MED13: variants seen among roughly 807,000 people sequenced by gnomAD.
The protein encoded by MED13 is mediator complex subunit 13.
A neutral mutation model predicts 225.2 loss-of-function variants in MED13; 23 were observed. The ratio of observed to expected loss-of-function variants is 0.10; its 90% CI spans 0.07 to 0.14. The LOEUF is 0.14. MED13 is among the 10% of genes least tolerant of loss of function. The probability of loss-of-function intolerance (pLI) is 1.00; values close to 1 mark genes in which losing one functional copy is unlikely to be tolerated. For synonymous variants in MED13, 942 were observed against 889.2 expected, an observed-to-expected ratio of 1.06 and a Z score of -1.06; for missense variants, 2,197 against 2,594.5, an observed-to-expected ratio of 0.85 and a Z score of 3.33.
chr17:62,021,628 C>T lies in MED13; in HGVS notation c.1283+7913G>A, dbSNP rs79633599. Among the ~76,000 whole-genome samples, 1,156 of 152,270 alleles carry T rather than the reference C, an allele frequency of 7.6e-3. 5 individuals carry two copies. The highest frequency in any genetic ancestry group is 0.016 in the South Asian group (75 of 4,834). On this transcript the variant is annotated intron_variant, in intron 8 of 29. Transcript: ENST00000397786. ...TATTCAATCTCGCTAATGAAAAATGCGACAAACAATTTTATGCTTCTCACT... is the reference window on the plus strand; with the variant it reads ...TATTCAATCTCGCTAATGAAAAATGTGACAAACAATTTTATGCTTCTCACT...
rs1326664826 is a variant in MED13, at chr17:61,945,299, A to G, written c.*1169T>C. 4 of 152,440 alleles carry G rather than the reference A, an allele frequency of 2.6e-5. No homozygotes were observed. Among genetic ancestry groups the G allele is most frequent in the African/African-American group, 7.2e-5 (3 of 41,428 alleles). 9.4% of individuals were successfully genotyped at this position (152,440 alleles called of 1,614,324 possible). A position where few individuals can be genotyped will look rare whatever the true frequency, so the allele number is the denominator to read the frequency against. On this transcript the variant is annotated 3_prime_UTR_variant, in exon 30 of 30. Coordinates refer to ENST00000397786, the MANE Select transcript of MED13 (RefSeq NM_005121.3). ...TTAATTTAAAAAAAAAAGTCAAACAATCAAGAATGACTGCTTGAAAAATAA... is the reference window on the plus strand; with the variant it reads ...TTAATTTAAAAAAAAAAGTCAAACAGTCAAGAATGACTGCTTGAAAAATAA...
At chr17:61,986,913 A>T in intron 12 of MED13, 94 bp downstream of exon 12, 3 of 759,124 alleles carry the variant, frequency 4.0e-6, no homozygotes, top group African/African-American at 1.8e-5. Flanking sequence ...GGGCTAAAAC[A>T]TAGTATTAAA....
At chr17:62,035,384 TC>T in intron 4 of MED13, 78 bp downstream of exon 4, 2 of 1,218,408 alleles carry the variant, frequency 1.6e-6, no homozygotes, top group Non-Finnish European at 1.1e-6. Context: ...ATTCCATCAA[TC>T]CCCAAATGTA....
intron 3 of MED13, among the ~76,000 whole-genome samples, chr17:62,038,727 A>T (rs2143704302): frequency 6.6e-6 from 1 of 152,268 alleles, no homozygotes; most frequent in Non-Finnish European, 1.5e-5. Flanking sequence ...GCAGTGATAC[A>T]ATCGTAGCTT....
chr17:62,048,051 T>TAC (rs1364860315), intron 3 of MED13, among the ~76,000 whole-genome samples: 71 of 144,810 alleles, frequency 4.9e-4, no homozygotes, highest in South Asian at 1.7e-3. Flanking sequence ...TACATATATA[T>TAC]ATATATATAT....
chr17:62,059,482 G>T lies in MED13; in HGVS notation c.301+3585C>A, dbSNP rs76544244. Reference sequence around the variant, plus strand: ...AGAAGGACACTGCCTGTGAAGAGCAGGCTCAAGCTAAATTAACCAGCTTTT... The same window carrying T: ...AGAAGGACACTGCCTGTGAAGAGCATGCTCAAGCTAAATTAACCAGCTTTT... On this transcript the variant is annotated intron_variant, in intron 2 of 29. Transcript: ENST00000397786. Among the ~76,000 whole-genome samples the T allele has an allele frequency of 2.3e-3, 357 of 152,352 alleles. 1 individual carries two copies. Among genetic ancestry groups the T allele is most frequent in the African/African-American group, 8.2e-3 (343 of 41,594 alleles).
chr17:62,040,386 G>C (rs1003720487), intron 3 of MED13, among the ~76,000 whole-genome samples: 4 of 152,062 alleles, frequency 2.6e-5, no homozygotes, highest in Non-Finnish European at 5.9e-5. Flanking sequence ...AATGAAACTT[G>C]AACAATCTTC....
intron 3 of MED13, among the ~76,000 whole-genome samples, chr17:62,038,721 T>A (rs937888790): frequency 3.3e-5 from 5 of 152,198 alleles, no homozygotes; most frequent in African/African-American, 1.2e-4. Context: ...TGGAGTGCAG[T>A]GATACAATCG....
rs1444012118 is a variant in MED13, at chr17:61,952,952, G to T, written c.6117+13C>A. The stretch of plus-strand genomic sequence containing the variant: ...GCCCGGCCGAGAAAAACTAAAACTT[G>T]TAACACAGTTACCTTGCCCGCATCA... On this transcript the variant is annotated intron_variant, in intron 27 of 29. Coordinates refer to ENST00000397786, the MANE Select transcript of MED13 (RefSeq NM_005121.3). 1.9e-6 allele frequency: 3 copies of T among 1,608,946 alleles called. No individual in the cohort carries two copies. Among genetic ancestry groups the T allele is most frequent in the Admixed American group, 1.7e-5 (1 of 58,240 alleles).
rs938619707 is a variant in MED13, at chr17:61,943,900, T to G, written c.*2568A>C. 3 of 152,618 alleles carry G rather than the reference T, an allele frequency of 2.0e-5. No homozygotes were observed. The highest frequency in any genetic ancestry group is 7.2e-5 in the African/African-American group (3 of 41,474). The allele number at this position is 152,618 out of a possible 1,614,324, so 9.5% of individuals were successfully genotyped here. A position where few individuals can be genotyped will look rare whatever the true frequency, so the allele number is the denominator to read the frequency against. ...AGAAGTCAAGGTGTTGGTAATCCACTGCTATAAAGTATAATATTTTGCTTA... is the reference window on the plus strand; with the variant it reads ...AGAAGTCAAGGTGTTGGTAATCCACGGCTATAAAGTATAATATTTTGCTTA... On this transcript the variant is annotated 3_prime_UTR_variant, in exon 30 of 30. Coordinates refer to ENST00000397786, the MANE Select transcript of MED13 (RefSeq NM_005121.3).
At chr17:62,015,877 G>C (rs905161970) in intron 8 of MED13, among the ~76,000 whole-genome samples, 1 of 59,160 alleles carries the variant, frequency 1.7e-5, no homozygotes, top group African/African-American at 6.3e-5. Flanking sequence ...ATGTGTGTGT[G>C]TATATATATA....
intron 8 of MED13, among the ~76,000 whole-genome samples, chr17:62,019,738 C>CTTTTTTTTTTT (rs1315308147): frequency 6.6e-6 from 1 of 150,394 alleles, no homozygotes; most frequent in Non-Finnish European, 1.5e-5. Flanking sequence ...AATTGAATTT[C>CTTTTTTTTTTT]TTTTTTTCTT....
chr17:61,960,202 G>A (rs1291136095), intron 23 of MED13, among the ~76,000 whole-genome samples: 1 of 151,878 alleles, frequency 6.6e-6, no homozygotes, highest in Non-Finnish European at 1.5e-5. Context: ...TATATCCTTC[G>A]TAAATAACTG....
intron 2 of MED13, among the ~76,000 whole-genome samples, chr17:62,060,740 C>T (rs1351645770): frequency 1.3e-5 from 2 of 151,576 alleles, no homozygotes; most frequent in East Asian, 2.0e-4. Flanking sequence ...CACTCTGTCG[C>T]CCAGGCTGGA....
chr17:62,038,366 C>T (rs1213855897), intron 3 of MED13, among the ~76,000 whole-genome samples: 1 of 151,922 alleles, frequency 6.6e-6, no homozygotes, highest in Admixed American at 6.6e-5. Flanking sequence ...GACACCACTG[C>T]CCTCCAGTCT....
chr17:62,032,305 C>T (rs1184252264), intron 5 of MED13: 2 of 151,884 alleles, frequency 1.3e-5, no homozygotes, highest in Admixed American at 6.6e-5. Flanking sequence ...TAAACCCCAT[C>T]TCTACTAAAA....
chr17:61,992,104 C>G (rs1300305993), intron 11 of MED13, among the ~76,000 whole-genome samples: 1 of 152,196 alleles, frequency 6.6e-6, no homozygotes, highest in African/African-American at 2.4e-5. Context: ...ACCAACTGGA[C>G]ATCAGTATCT....
intron 8 of MED13, among the ~76,000 whole-genome samples, chr17:62,025,060 T>C (rs909170869): frequency 3.9e-5 from 6 of 152,212 alleles, no homozygotes; most frequent in Admixed American, 6.5e-5. Context: ...AGTAATAGGA[T>C]TGCTCGGTCA....
At chr17:61,954,452 A>G (rs1399230152) in intron 26 of MED13, among the ~76,000 whole-genome samples, 3 of 152,302 alleles carry the variant, frequency 2.0e-5, no homozygotes, top group South Asian at 2.1e-4. Flanking sequence ...AACCTATACA[A>G]ATATTTTGTG....
Sources: allele counts gnomAD v4.1 joint callset (sites outside exome capture counted in the v4.1 genomes callset), GRCh38; gene constraint gnomAD v4.1.1; transcripts MANE v1.5; gene names NCBI Gene and HGNC (gene_info 2026-07-23, HGNC 2026-07-21).